Variants in C16orf89 observed in about 807,000 individuals in gnomAD.
C16orf89 encodes the protein UPF0764 protein C16orf89.
C16orf89 carries 57 observed loss-of-function variants against 41.5 expected under a neutral mutation model. The observed-to-expected ratio is 1.38, with a 90% CI of 1.11 to 1.71. The LOEUF is 1.71. C16orf89 is among the 40% of genes most tolerant of loss of function. C16orf89 has a pLI of 0.00. For synonymous variants in C16orf89, 223 were observed against 190.6 expected (o/e 1.17, Z -1.40); for missense variants, 575 against 445.9 (o/e 1.29, Z -2.61).
intron 4 of C16orf89, among the ~76,000 whole-genome samples, chr16:5,056,580 A>G (rs947137003): frequency 5.3e-5 from 8 of 152,090 alleles, no homozygotes; most frequent in African/African-American, 1.9e-4. Flanking sequence ...CGCGGGGGCA[A>G]TGCAATGTAC....
chr16:5,061,045 G>C (rs1956609814), intron 2 of C16orf89, among the ~76,000 whole-genome samples: 1 of 147,562 alleles, frequency 6.8e-6, no homozygotes, highest in Non-Finnish European at 1.5e-5. Context: ...CGAATCACTT[G>C]AGGTCAGGAG....
intron 5 of C16orf89, 164 bp downstream of exon 5, chr16:5,055,889 C>T (rs1022703899): frequency 1.6e-6 from 2 of 1,255,264 alleles, no homozygotes; most frequent in Non-Finnish European, 2.2e-6. Context: ...ATCTGAAGTT[C>T]AAATTTAACT....
At chr16:5,063,521 G>A (rs1169172182) in intron 1 of C16orf89, among the ~76,000 whole-genome samples, 1 of 152,186 alleles carries the variant, frequency 6.6e-6, no homozygotes, top group African/African-American at 2.4e-5. Flanking sequence ...TGAGTGGTGG[G>A]TGAGCGAGCT....
intron 6 of C16orf89, among the ~76,000 whole-genome samples, chr16:5,054,241 C>A (rs780049879): frequency 9.8e-5 from 15 of 152,320 alleles, no homozygotes; most frequent in Middle Eastern, 3.4e-3. Flanking sequence ...ACTCTCCTTG[C>A]AGCTCAGGAA....
chr16:5,060,255 T>G, intron 3 of C16orf89, 31 bp downstream of exon 3: 2 of 1,578,182 alleles, frequency 1.3e-6, no homozygotes, highest in Non-Finnish European at 1.7e-6. Context: ...GCGTTTGGGT[T>G]TCCAGCAAAT....
At position 5,056,041 on chromosome 16, in the gene C16orf89, T is replaced by C. The variant is rs1317862369; in HGVS notation, c.763+12A>G. 6.4e-7 allele frequency: 1 copy of C among 1,574,446 alleles called. No homozygotes were observed. The highest frequency in any genetic ancestry group is 1.1e-5 in the South Asian group (1 of 89,486). ...CTGTTCCTTTGCCCCGGGGGCAGAA[T>C]GCTGGCCATACTGTTTTCCATGAAG... On this transcript the variant is annotated intron_variant, in intron 5 of 7. Transcript: ENST00000472572.
rs548937512 is a variant in C16orf89 at position 5,055,290 on chromosome 16, A to G, written c.824T>C (p.Ile275Thr). ...TTCCTGCTGTTTCTGCCAGCTGAGA[A>G]TGGCCTCCAGCCACCGGAGCTTGTA... ...DFYKLRWLEA[I>T]LSWQKQQEGC... Residue 275 changes from isoleucine (I) to threonine (T), a missense_variant, in exon 6 of 8, where the codon ATT becomes ACT. Physicochemically the swap from Ile to Thr is moderately conservative, Grantham distance 89. Transcript: ENST00000472572. 1.2e-6 allele frequency: 2 copies of G among 1,613,626 alleles called. No individual in the cohort carries two copies. Among genetic ancestry groups the G allele is most frequent in the Non-Finnish European group, 1.7e-6 (2 of 1,179,804 alleles).
downstream of C16orf89, chr16:5,043,002 AC>A (rs1956234490): frequency 6.6e-6 from 1 of 152,118 alleles, no homozygotes; most frequent in Non-Finnish European, 1.5e-5. Context: ...TGTTACGGGC[AC>A]CATTTCCAGT....
intron 7 of C16orf89, among the ~76,000 whole-genome samples, chr16:5,046,169 C>G (rs1009987662): frequency 6.6e-6 from 1 of 152,092 alleles, no homozygotes; most frequent in Non-Finnish European, 1.5e-5. Flanking sequence ...TGGATTTCTG[C>G]TTTCACTCTC....
chr16:5,046,768 G>A (rs773488471), intron 7 of C16orf89, among the ~76,000 whole-genome samples: 4 of 151,830 alleles, frequency 2.6e-5, no homozygotes, highest in African/African-American at 4.8e-5. Flanking sequence ...TTTCTTCTAC[G>A]TTATTTCTTG....
chr16:5,064,186 C>T (rs977852914), intron 1 of C16orf89, among the ~76,000 whole-genome samples: 15 of 152,072 alleles, frequency 9.9e-5, no homozygotes, highest in African/African-American at 3.4e-4. Flanking sequence ...AAATTTAATG[C>T]ACGTGAATTG....
intron 6 of C16orf89, among the ~76,000 whole-genome samples, chr16:5,052,379 C>T (rs946998645): frequency 6.6e-6 from 1 of 152,108 alleles, no homozygotes; most frequent in Non-Finnish European, 1.5e-5. Flanking sequence ...ACTTTGAGCT[C>T]AGGAATTCTG....
chr16:5,061,079 A>G (rs1956611246), intron 2 of C16orf89, among the ~76,000 whole-genome samples: 2 of 150,842 alleles, frequency 1.3e-5, no homozygotes, highest in South Asian at 2.1e-4. Flanking sequence ...TGGCTAACAC[A>G]GTGAAATCCC....
At chr16:5,063,139 T>C (rs1403929103) in intron 1 of C16orf89, among the ~76,000 whole-genome samples, 5 of 151,680 alleles carry the variant, frequency 3.3e-5, no homozygotes, top group Non-Finnish European at 5.9e-5. Context: ...TGGCCAGAAA[T>C]TGGGGAGACA....
intron 3 of C16orf89, among the ~76,000 whole-genome samples, chr16:5,059,273 A>ATTC (rs978401333): frequency 4.6e-5 from 7 of 151,380 alleles, no homozygotes; most frequent in African/African-American, 1.7e-4. Flanking sequence ...TAAAAATAAA[A>ATTC]TAAAATAAAG....
At chr16:5,064,474 G>A (rs1956694629) in intron 1 of C16orf89, among the ~76,000 whole-genome samples, 1 of 152,186 alleles carries the variant, frequency 6.6e-6, no homozygotes, top group Non-Finnish European at 1.5e-5. Flanking sequence ...ATGATCGTGT[G>A]ATACTCCCAT....
In C16orf89 at chr16:5,044,188, C is replaced by T. The variant is rs561302224; in HGVS notation, c.*160G>A. 8 of 1,393,952 alleles carry T rather than the reference C, an allele frequency of 5.7e-6. No homozygotes were observed. The highest frequency in any genetic ancestry group is 5.6e-6 in the Non-Finnish European group (6 of 1,078,788). The allele number at this position is 1,393,952 out of a possible 1,614,324, so 86.3% of individuals were successfully genotyped here. The stretch of plus-strand genomic sequence containing the variant: ...CCCTCCCGGCCCCCACCTACCCTGG[C>T]CTTGCCTACTCAGGGCTTCCAAGAT... On this transcript the variant is annotated 3_prime_UTR_variant, in exon 8 of 8. Coordinates refer to ENST00000472572, the MANE Select transcript of C16orf89 (RefSeq NM_001098514.3).
At chr16:5,049,655 G>A (rs1342627812) in intron 6 of C16orf89, among the ~76,000 whole-genome samples, 1 of 152,116 alleles carries the variant, frequency 6.6e-6, no homozygotes, top group Non-Finnish European at 1.5e-5. Flanking sequence ...CTTAACACAA[G>A]TGAAAATAGA....
intron 2 of C16orf89, among the ~76,000 whole-genome samples, chr16:5,060,989 G>A (rs969943195): frequency 2.1e-5 from 3 of 145,444 alleles, no homozygotes; most frequent in East Asian, 4.2e-4. Flanking sequence ...GGCCAAGAGC[G>A]GTGGCTCACG....
Sources: gnomAD v4.1 joint callset for allele counts (sites outside exome capture counted in the v4.1 genomes callset) on GRCh38, gnomAD v4.1.1 for gene constraint, MANE v1.5 for transcripts, NCBI Gene and HGNC (gene_info 2026-07-23, HGNC 2026-07-21) for gene names.